WDR17: variants seen among roughly 807,000 people sequenced by gnomAD.
The protein encoded by WDR17 is WD repeat-containing protein 17.
In WDR17, 143 loss-of-function variants were observed where a neutral mutation model predicts 161.7. The ratio of observed to expected loss-of-function variants is 0.88; its 90% CI spans 0.77 to 1.02. The LOEUF is 1.02. WDR17 is among the 50% of genes least tolerant of loss of function. The pLI is 0.00. For synonymous variants in WDR17, 517 were observed against 515.6 expected (o/e 1.00, Z -0.04); for missense variants, 1,469 against 1,520.9 (o/e 0.97, Z 0.57).
chr4:176,079,846 G>C (rs370050305), intron 1 of WDR17, among the ~76,000 whole-genome samples: 35 of 152,132 alleles, frequency 2.3e-4, no homozygotes, highest in South Asian at 4.2e-4. Flanking sequence ...CAAGGCGAGG[G>C]GGGGTGAGCA....
Position 176,148,269 on chromosome 4 carries a change from A to G in WDR17, c.1831A>G (p.Lys611Glu). 6.2e-7 allele frequency: 1 copy of G among 1,614,030 alleles called. No homozygotes were observed. The highest frequency in any genetic ancestry group is 8.5e-7 in the Non-Finnish European group (1 of 1,179,938). Residue 611 changes from lysine to glutamate, a missense_variant, in exon 13 of 29, where the codon AAA (lysine) becomes GAA (glutamate). Physicochemically the swap from Lys to Glu is moderately conservative, Grantham distance 56 (BLOSUM62 1). Coordinates refer to ENST00000508596, the MANE Select transcript of WDR17 (RefSeq NM_181265.4). ...ATCTGGCAGCTGGGACTATACTATA[A>G]AAGTATGGGACACTCGAGAAGGAAC... ...LISGSWDYTIKVWDTREGTCV... is the reference protein window; with the variant it reads ...LISGSWDYTIEVWDTREGTCV...
rs1286678024 is a variant in WDR17, at chr4:176,115,746, T to C, written c.124-50T>C. 2.9e-6 allele frequency: 4 copies of C among 1,399,674 alleles called. No individual in the cohort carries two copies. The African/African-American group carries it at 4.4e-5, about 15-fold the overall frequency. The allele number at this position is 1,399,674 out of a possible 1,614,324, so 86.7% of individuals were successfully genotyped here. ...GTGTAATGTGAATATTAACAGTGTATTATCTTAAAAAGGAGCACTAAAATA... is the reference window on the plus strand; with the variant it reads ...GTGTAATGTGAATATTAACAGTGTACTATCTTAAAAAGGAGCACTAAAATA... On this transcript the variant is annotated intron_variant, in intron 2 of 28. Transcript: ENST00000508596.
intron 10 of WDR17, among the ~76,000 whole-genome samples, chr4:176,141,596 CT>C (rs1233313855): frequency 6.6e-6 from 1 of 151,928 alleles, no homozygotes; most frequent in African/African-American, 2.4e-5. Flanking sequence ...CGCCTGGCTA[CT>C]TTTTTTGTAT....
At chr4:176,137,472 C>T (rs374970527) in intron 8 of WDR17, 48 bp from the exon 9 acceptor site, 90 of 1,453,910 alleles carry the variant, frequency 6.2e-5, no homozygotes, top group Non-Finnish European at 1.3e-5. Context: ...AAAAGAATTA[C>T]ATTTGTGGGA....
chr4:176,093,480 A>G (rs1163532136), intron 1 of WDR17, among the ~76,000 whole-genome samples: 1 of 151,990 alleles, frequency 6.6e-6, no homozygotes, highest in Non-Finnish European at 1.5e-5. Flanking sequence ...ACTTTACTTC[A>G]TTTTCTATTT....
Position 176,130,056 on chromosome 4 carries a change from A to G in WDR17, c.913+1196A>G, listed in dbSNP as rs1743104931. On this transcript the variant is annotated intron_variant, in intron 6 of 28. Coordinates refer to ENST00000508596, the MANE Select transcript of WDR17 (RefSeq NM_181265.4). Reference sequence around the variant, plus strand: ...ATACCAGTCTTGTCATTTTCGAGCAATTCCTTTCAGATTACCTCTTCTTTG... The same window carrying G: ...ATACCAGTCTTGTCATTTTCGAGCAGTTCCTTTCAGATTACCTCTTCTTTG... Among the ~76,000 whole-genome samples, 2 of 152,192 alleles carry G rather than the reference A, an allele frequency of 1.3e-5. 1 individual carries two copies. Among genetic ancestry groups the G allele is most frequent in the Admixed American group, 1.3e-4 (2 of 15,284 alleles).
intron 1 of WDR17, among the ~76,000 whole-genome samples, chr4:176,066,587 A>T (rs1030338291): frequency 6.6e-6 from 1 of 152,162 alleles, no homozygotes; most frequent in Non-Finnish European, 1.5e-5. Context: ...GTAAAATAGA[A>T]TCTTTGCTGT....
intron 2 of WDR17, among the ~76,000 whole-genome samples, chr4:176,115,364 G>A (rs1370505354): frequency 6.6e-6 from 1 of 151,738 alleles, no homozygotes; most frequent in Admixed American, 6.6e-5. Context: ...TGGAAGCTTT[G>A]GACATCTTAA....
At chr4:176,130,137 T>C (rs2126752050) in intron 6 of WDR17, among the ~76,000 whole-genome samples, 1 of 152,256 alleles carries the variant, frequency 6.6e-6, no homozygotes, top group South Asian at 2.1e-4. Context: ...AAAGAACAAT[T>C]GTGAAAATGA....
chr4:176,179,406 A>C, intron 28 of WDR17, 54 bp from the exon 29 acceptor site: 1 of 1,395,464 alleles, frequency 7.2e-7, no homozygotes, highest in Non-Finnish European at 9.4e-7. Flanking sequence ...AAGTTTAAAA[A>C]TACTTTGCAA....
intron 23 of WDR17, 191 bp from the exon 24 acceptor site, chr4:176,172,184 T>G (rs564534784): frequency 3.7e-4 from 199 of 536,786 alleles, no homozygotes; most frequent in African/African-American, 3.5e-3. Context: ...ATATCCCCTC[T>G]TACTGTTTTT....
intron 13 of WDR17, among the ~76,000 whole-genome samples, chr4:176,149,274 GT>G (rs958791162): frequency 9.4e-5 from 14 of 148,814 alleles, no homozygotes; most frequent in Non-Finnish European, 1.9e-4. Context: ...TTATTATTTT[GT>G]TTTTTTGAAA....
rs910625117 is a variant in WDR17, at chr4:176,151,898, A to T, written c.2391A>T (p.Glu797Asp). The change falls in exon 17 of 29, where the codon GAA becomes GAT. Residue 797 changes from glutamate (E) to aspartate (D), a missense_variant. Physicochemically the swap from Glu to Asp is conservative, Grantham distance 45. Transcript: ENST00000508596. Reference protein sequence around the residue: ...GVPAKEERLKEAAEIHLRLGQ... With the variant: ...GVPAKEERLKDAAEIHLRLGQ... The stretch of plus-strand genomic sequence containing the variant: ...CTGCTAAAGAGGAAAGACTGAAGGA[A>T]GCTGCTGAAATCCACTTGAGATTAG... 1.2e-6 allele frequency: 2 copies of T among 1,613,550 alleles called. No individual in the cohort carries two copies. Among genetic ancestry groups the T allele is most frequent in the Non-Finnish European group, 1.7e-6 (2 of 1,179,804 alleles).
At chr4:176,136,465 A>G (rs1051023898) in intron 8 of WDR17, among the ~76,000 whole-genome samples, 4 of 151,736 alleles carry the variant, frequency 2.6e-5, no homozygotes, top group African/African-American at 9.7e-5. Flanking sequence ...GTTTCAAATC[A>G]TAACACAGAA....
In WDR17 at chr4:176,168,749, G is replaced by A. The variant is rs1486417119; in HGVS notation, c.3068G>A (p.Gly1023Glu). The change falls in exon 23 of 29, where the codon GGA (glycine) becomes GAA (glutamate). Residue 1023 changes from glycine (G) to glutamate (E), a missense_variant. By Grantham distance (98) the Gly-to-Glu change is moderately conservative. Transcript: ENST00000508596. ...HLIKLCAFYPGCTEEINDLHD... is the reference protein window; with the variant it reads ...HLIKLCAFYPECTEEINDLHD... ...ATAAAACTCTGTGCTTTCTACCCAG[G>A]ATGTACTGAAGAGATAAATGACCTT... The A allele has an allele frequency of 3.7e-6, 6 of 1,613,106 alleles. No homozygotes were observed. The highest frequency in any genetic ancestry group is 5.1e-6 in the Non-Finnish European group (6 of 1,179,600).
At chr4:176,138,382 C>T (rs1330995909) in intron 9 of WDR17, among the ~76,000 whole-genome samples, 1 of 151,590 alleles carries the variant, frequency 6.6e-6, no homozygotes, top group Non-Finnish European at 1.5e-5. Context: ...AGTCCTGCTC[C>T]CCCACTACTT....
intron 1 of WDR17, among the ~76,000 whole-genome samples, chr4:176,100,942 A>G (rs1024352347): frequency 6.6e-6 from 1 of 152,018 alleles, no homozygotes; most frequent in Non-Finnish European, 1.5e-5. Context: ...CCATTGATCT[A>G]TATGTCTATT....
chr4:176,074,454 C>T lies in WDR17; in HGVS notation c.-7+8375C>T, dbSNP rs186113759. ...ATATATAATTTACTTATCTGTTTTG[C>T]TAATTTCCTTTTTTTAAAAAAGGAC... On this transcript the variant is annotated intron_variant, in intron 1 of 28. Transcript: ENST00000508596. Among the ~76,000 whole-genome samples, 601 of 151,362 alleles carry T rather than the reference C, an allele frequency of 4.0e-3. 6 individuals carry two copies. Among genetic ancestry groups the T allele is most frequent in the African/African-American group, 0.013 (551 of 41,310 alleles).
intron 8 of WDR17, among the ~76,000 whole-genome samples, chr4:176,136,996 A>C (rs535485929): frequency 6.6e-6 from 1 of 151,554 alleles, no homozygotes; most frequent in East Asian, 1.9e-4. Context: ...TATTTTCACA[A>C]ATTTTTTTAT....
Sources: gnomAD v4.1 joint callset for allele counts (sites outside exome capture counted in the v4.1 genomes callset) on GRCh38, gnomAD v4.1.1 for gene constraint, MANE v1.5 for transcripts, NCBI Gene and HGNC (gene_info 2026-07-23, HGNC 2026-07-21) for gene names.